Variants in NCMAP observed in about 807,000 individuals in gnomAD.
NCMAP encodes the protein noncompact myelin-associated protein.
A neutral mutation model predicts 7.8 loss-of-function variants in NCMAP; 8 were observed. The observed-to-expected ratio is 1.02, with a 90% CI of 0.60 to 1.84. NCMAP has a LOEUF of 1.84. NCMAP is among the 40% of genes most tolerant of loss of function. The pLI is 0.00. For synonymous variants in NCMAP, 41 were observed against 52.9 expected (o/e 0.78, Z 0.98); for missense variants, 112 against 131.4 (o/e 0.85, Z 0.72).
chr1:24,566,237 C>T (rs1315650943), intron 1 of NCMAP, among the ~76,000 whole-genome samples: 1 of 152,198 alleles, frequency 6.6e-6, no homozygotes, highest in East Asian at 1.9e-4. Flanking sequence ...CCACTTCAGC[C>T]TCCCAAAATG....
chr1:24,560,018 G>A (rs528447154), intron 1 of NCMAP, among the ~76,000 whole-genome samples: 384 of 152,076 alleles, frequency 2.5e-3, no homozygotes, highest in African/African-American at 7.3e-3. Flanking sequence ...AAAATTAGCC[G>A]GGCGTGGTGG....
In NCMAP at chr1:24,576,190, AG is replaced by A. The variant is rs571441682; in HGVS notation, c.-7-19232del. On this transcript the variant is annotated intron_variant, in intron 1 of 3. Coordinates refer to ENST00000374392, the MANE Select transcript of NCMAP (RefSeq NM_001010980.5). The surrounding 1 kb of genome is among the most constrained non-coding windows in gnomAD (Gnocchi z 4.0). ...TTGGTCCAGTTTCCCAGCCACAGAA[AG>A]GCCACTTAGGTCTGTGCGGCATCCA... Among the ~76,000 whole-genome samples the A allele has an allele frequency of 1.9e-3, 294 of 152,252 alleles. 1 individual carries two copies. The highest frequency in any genetic ancestry group is 6.7e-3 in the African/African-American group (280 of 41,548).
In NCMAP at chr1:24,577,185, T is replaced by G. The variant is rs529279584; in HGVS notation, c.-7-18239T>G. ...AAAAAATAAAAAGGATGTCACATGC[T>G]AAAATTATAGAGCACTAGATTTCCT... On this transcript the variant is annotated intron_variant, in intron 1 of 3. Transcript: ENST00000374392. 2.6e-5 allele frequency among the ~76,000 whole-genome samples: 4 copies of G among 152,206 alleles called. No individual in the cohort carries two copies. In the South Asian group the frequency reaches 8.3e-4, roughly 32 times the overall value.
chr1:24,588,278 C>G (rs939382793), intron 1 of NCMAP, among the ~76,000 whole-genome samples: 5 of 152,096 alleles, frequency 3.3e-5, no homozygotes, highest in African/African-American at 1.2e-4. Context: ...TTAAAACATC[C>G]CAATATCTCC....
chr1:24,569,580 G>A (rs560414822), intron 1 of NCMAP, among the ~76,000 whole-genome samples: 1 of 150,820 alleles, frequency 6.6e-6, no homozygotes, highest in South Asian at 2.1e-4. Flanking sequence ...ATGAACTGTG[G>A]TGTACTTGGC....
chr1:24,592,808 A>T (rs1449332790), intron 1 of NCMAP, among the ~76,000 whole-genome samples: 1 of 152,110 alleles, frequency 6.6e-6, no homozygotes, highest in African/African-American at 2.4e-5. Context: ...AGTCCCAGCT[A>T]CTCGTGAGGC....
At chr1:24,565,872 C>T (rs1651214233) in intron 1 of NCMAP, among the ~76,000 whole-genome samples, 1 of 152,022 alleles carries the variant, frequency 6.6e-6, no homozygotes, top group African/African-American at 2.4e-5. Flanking sequence ...CCCCTTAATC[C>T]CCACTTGTCA....
chr1:24,601,156 T>C, intron 3 of NCMAP, 132 bp downstream of exon 3: 1 of 681,090 alleles, frequency 1.5e-6, no homozygotes, highest in Non-Finnish European at 2.6e-6. Flanking sequence ...GCTCTAACCC[T>C]TGGGGATCCT....
chr1:24,579,427 C>G (rs1366352782), intron 1 of NCMAP, among the ~76,000 whole-genome samples: 1 of 152,072 alleles, frequency 6.6e-6, no homozygotes, highest in Non-Finnish European at 1.5e-5. Flanking sequence ...CCTTGGCTAT[C>G]TGTTCCTATT....
rs1398443078 is a variant in NCMAP, at chr1:24,607,620, T to A, written c.*1873T>A. ...TGGCTCATGCCTGTAATCCCAGCAC[T>A]TTGGGAGGCTGAGGCAGGCGGGTCA... On this transcript the variant is annotated 3_prime_UTR_variant, in exon 4 of 4. Transcript: ENST00000374392. The A allele has an allele frequency of 6.6e-6, 1 of 152,208 alleles. No homozygotes were observed. The highest frequency in any genetic ancestry group is 1.5e-5 in the Non-Finnish European group (1 of 68,046). 9.4% of individuals were successfully genotyped at this position (152,208 alleles called of 1,614,324 possible). A position where few individuals can be genotyped will look rare whatever the true frequency, so the allele number is the denominator to read the frequency against.
chr1:24,563,151 T>G (rs904856791), intron 1 of NCMAP, among the ~76,000 whole-genome samples: 2 of 152,238 alleles, frequency 1.3e-5, no homozygotes, highest in African/African-American at 4.8e-5. Flanking sequence ...AAGAAATTCA[T>G]GAAATAATAC....
chr1:24,564,826 T>A (rs1651173981), intron 1 of NCMAP, among the ~76,000 whole-genome samples: 1 of 152,102 alleles, frequency 6.6e-6, no homozygotes, highest in Non-Finnish European at 1.5e-5. Flanking sequence ...TGGGTTGGCA[T>A]TATTCTTCTC....
At chr1:24,604,603 AAAATATATATATATATATAT>A (rs1652640114) in intron 3 of NCMAP, among the ~76,000 whole-genome samples, 4 of 41,372 alleles carry the variant, frequency 9.7e-5, no homozygotes, top group East Asian at 5.6e-4. Context: ...AAAAAAAAAA[AAAATATATATATATATATAT>A]ATATATATAT....
chr1:24,568,802 A>G (rs13375100), intron 1 of NCMAP, among the ~76,000 whole-genome samples: 4,754 of 152,132 alleles, frequency 0.031, 282 homozygotes, highest in African/African-American at 0.11. Flanking sequence ...TGTTGTTGTT[A>G]TTAGAGACAG....
intron 1 of NCMAP, 123 bp downstream of exon 1, chr1:24,556,292 G>A (rs958757777): frequency 1.3e-5 from 2 of 152,316 alleles, no homozygotes; most frequent in African/African-American, 4.8e-5. Context: ...CCCGGGGGTG[G>A]GGACGAGGGG....
chr1:24,603,759 T>TA (rs1169995508), intron 3 of NCMAP, among the ~76,000 whole-genome samples: 2 of 152,154 alleles, frequency 1.3e-5, no homozygotes, highest in African/African-American at 4.8e-5. Context: ...TTCACGGTTC[T>TA]AAAAAACTGT....
chr1:24,569,541 G>A lies in NCMAP; in HGVS notation c.-8+13372G>A, dbSNP rs184012919. Among the ~76,000 whole-genome samples the A allele has an allele frequency of 1.3e-3, 199 of 150,618 alleles. 14 individuals carry two copies. Among genetic ancestry groups the A allele is most frequent in the African/African-American group, 4.4e-3 (175 of 39,994 alleles). ...TAGTAACAATGTTCATTGATTGAGCGGCAGCAGTAAAGTGGAGTGGTCAAA... is the reference window on the plus strand; with the variant it reads ...TAGTAACAATGTTCATTGATTGAGCAGCAGCAGTAAAGTGGAGTGGTCAAA... On this transcript the variant is annotated intron_variant, in intron 1 of 3. Coordinates refer to ENST00000374392, the MANE Select transcript of NCMAP (RefSeq NM_001010980.5).
At chr1:24,560,672 A>G (rs1651024199) in intron 1 of NCMAP, among the ~76,000 whole-genome samples, 1 of 151,780 alleles carries the variant, frequency 6.6e-6, no homozygotes, top group African/African-American at 2.4e-5. Flanking sequence ...TGAGCCCAGG[A>G]GGTTGAGGCT....
rs116189779 is a variant in NCMAP at position 24,559,245 on chromosome 1, A to C, written c.-8+3076A>C. Reference sequence around the variant, plus strand: ...TTCTAGTTCCCCTATCGGTTTCCCCATCTCCATCCATCCAGTCTCCTGAGG... The same window carrying C: ...TTCTAGTTCCCCTATCGGTTTCCCCCTCTCCATCCATCCAGTCTCCTGAGG... On this transcript the variant is annotated intron_variant, in intron 1 of 3. Coordinates refer to ENST00000374392, the MANE Select transcript of NCMAP (RefSeq NM_001010980.5). Among the ~76,000 whole-genome samples, 1,081 of 152,282 alleles carry C rather than the reference A, an allele frequency of 7.1e-3. 15 individuals carry two copies. Among genetic ancestry groups the C allele is most frequent in the African/African-American group, 0.025 (1,029 of 41,558 alleles).
Sources: gnomAD v4.1 joint callset for allele counts (sites outside exome capture counted in the v4.1 genomes callset) on GRCh38, gnomAD v4.1.1 for gene constraint, Gnocchi (gnomAD v3.1) non-coding constraint, MANE v1.5 for transcripts, NCBI Gene and HGNC (gene_info 2026-07-23, HGNC 2026-07-21) for gene names.